The following BTG4 variants were observed in gnomAD, a reference collection of about 807,000 sequenced individuals.
BTG4 encodes BTG anti-proliferation factor 4.
Under a neutral mutation model 19.3 loss-of-function variants are expected in BTG4, and 10 were observed. The ratio of observed to expected loss-of-function variants is 0.52; its 90% CI spans 0.32 to 0.88. The LOEUF is 0.88. BTG4 is among the 40% of genes least tolerant of loss of function. BTG4 has a pLI of 0.04. For missense variants in BTG4, 238 were observed against 281.9 expected (o/e 0.84, Z 1.11); for synonymous variants, 91 against 95.7 (o/e 0.95, Z 0.29).
chr11:111,444,084 T>C, the BTG4 span, among the ~76,000 whole-genome samples: 6 of 151,744 alleles, frequency 4.0e-5, no homozygotes, highest in African/African-American at 9.7e-5. Context: ...TGGAGAAAAA[T>C]AAATGAACAA....
chr11:111,470,823 T>A (rs1164976467), intron 5 of BTG4, among the ~76,000 whole-genome samples: 2 of 151,960 alleles, frequency 1.3e-5, no homozygotes, highest in Non-Finnish European at 2.9e-5. Flanking sequence ...TTCAGGAGGC[T>A]GAGGCAGAAG....
In BTG4 at chr11:111,495,211, G is replaced by A. The variant is rs777187788; in HGVS notation, c.614C>T (p.Ser205Leu). 20 of 1,612,094 alleles carry A rather than the reference G, an allele frequency of 1.2e-5. No homozygotes were observed. The highest frequency in any genetic ancestry group is 8.0e-5 in the African/African-American group (6 of 74,788). ...CCTGTAACACTTAGGATGCTTCTGC[G>A]AGCCATGGTAAGTGTTTCCCAGGAG... ...VGLLGNTYHG[S>L]QKHPKCYRPA... The change falls in exon 5 of 5, where the codon TCG becomes TTG. Residue 205 changes from serine to leucine, a missense_variant. By Grantham distance (145) the Ser-to-Leu change is moderately radical (BLOSUM62 -2). Transcript: ENST00000692032.
At chr11:111,406,335 C>T in the BTG4 span, among the ~76,000 whole-genome samples, 2 of 152,270 alleles carry the variant, frequency 1.3e-5, no homozygotes, top group South Asian at 4.2e-4. Flanking sequence ...CTTCTGCATG[C>T]CTGGAGTCGG....
chr11:111,403,111 G>T, the BTG4 span, among the ~76,000 whole-genome samples: 11 of 152,142 alleles, frequency 7.2e-5, no homozygotes, highest in Non-Finnish European at 1.5e-4. Context: ...CTGCTCCAGT[G>T]GTATTTATGC....
the BTG4 span, among the ~76,000 whole-genome samples, chr11:111,430,093 C>T: frequency 4.6e-5 from 7 of 152,268 alleles, no homozygotes; most frequent in East Asian, 5.8e-4. Context: ...CCCAAAATAT[C>T]GGAGATAGGT....
At chr11:111,459,745 G>T in the BTG4 span, 1 of 152,680 alleles carries the variant, frequency 6.5e-6, no homozygotes, top group African/African-American at 2.4e-5. Flanking sequence ...GAGAATTCTG[G>T]CGATGCCACA....
intron 5 of BTG4, among the ~76,000 whole-genome samples, chr11:111,489,298 A>G (rs1166526696): frequency 6.6e-6 from 1 of 152,224 alleles, no homozygotes; most frequent in African/African-American, 2.4e-5. Context: ...GCTGGTGAGG[A>G]TGTGTAGAAA....
At chr11:111,449,235 A>G in the BTG4 span, 1 of 152,008 alleles carries the variant, frequency 6.6e-6, no homozygotes, top group Non-Finnish European at 1.5e-5. Context: ...CCCATTTCCA[A>G]AAGGGTCACA....
intron 5 of BTG4, among the ~76,000 whole-genome samples, chr11:111,472,209 G>A (rs1320956195): frequency 6.6e-6 from 1 of 152,140 alleles, no homozygotes; most frequent in African/African-American, 2.4e-5. Flanking sequence ...ATATTGTCAT[G>A]AGGCCTTATA....
chr11:111,455,972 G>A, the BTG4 span: 1 of 351,054 alleles, frequency 2.8e-6, no homozygotes, highest in Non-Finnish European at 6.0e-6. Context: ...TCCACCCCCA[G>A]ACACCCAGCA....
At chr11:111,500,371 G>C (rs998525940) in intron 1 of BTG4, among the ~76,000 whole-genome samples, 1 of 152,188 alleles carries the variant, frequency 6.6e-6, no homozygotes, top group African/African-American at 2.4e-5. Context: ...GGAATTCACT[G>C]TCTTACAAGG....
the BTG4 span, among the ~76,000 whole-genome samples, chr11:111,392,928 A>G: frequency 2.0e-5 from 3 of 152,170 alleles, no homozygotes. Context: ...AATAGTAAGC[A>G]CCCAAAAGGG....
At chr11:111,457,790 C>T in the BTG4 span, 1 of 152,142 alleles carries the variant, frequency 6.6e-6, no homozygotes, top group Non-Finnish European at 1.5e-5. Flanking sequence ...CCACACCTGC[C>T]TACATCCCTG....
At chr11:111,512,487 C>T (rs1867023321), upstream of BTG4, 2 of 152,190 alleles carry the variant, frequency 1.3e-5, no homozygotes, top group Non-Finnish European at 2.9e-5. Flanking sequence ...CACAGTCACT[C>T]GGCCGCTCAG....
chr11:111,505,269 C>G (rs1866370619), intron 1 of BTG4, among the ~76,000 whole-genome samples: 1 of 151,654 alleles, frequency 6.6e-6, no homozygotes, highest in South Asian at 2.1e-4. Context: ...AAAAATAAAC[C>G]CAGAGATTAA....
intron 5 of BTG4, among the ~76,000 whole-genome samples, chr11:111,482,454 C>G (rs1012902197): frequency 2.6e-5 from 4 of 152,030 alleles, no homozygotes; most frequent in African/African-American, 9.7e-5. Context: ...TAGACAAGAT[C>G]ATTCCAAAAT....
the BTG4 span, among the ~76,000 whole-genome samples, chr11:111,439,787 G>C: frequency 7.9e-5 from 12 of 152,186 alleles, no homozygotes; most frequent in African/African-American, 2.9e-4. Flanking sequence ...CCCTTTCAAA[G>C]ACATGCTCAG....
chr11:111,501,068 AG>A (rs148558248), intron 1 of BTG4, among the ~76,000 whole-genome samples: 7,012 of 152,026 alleles, frequency 0.046, 190 homozygotes, highest in Middle Eastern at 0.095. Flanking sequence ...ACTAGATAAC[AG>A]TAAAGCACTT....
At chr11:111,478,862 AG>A (rs1283249314) in intron 5 of BTG4, among the ~76,000 whole-genome samples, 1 of 152,078 alleles carries the variant, frequency 6.6e-6, no homozygotes, top group Non-Finnish European at 1.5e-5. Context: ...ATAGAGCACC[AG>A]GGGCATATGG....
Sources: allele counts gnomAD v4.1 joint callset (sites outside exome capture counted in the v4.1 genomes callset), GRCh38; gene constraint gnomAD v4.1.1; transcripts MANE v1.5; gene names NCBI Gene and HGNC (gene_info 2026-07-23, HGNC 2026-07-21).